The following TSNARE1 variants were observed in gnomAD, a reference collection of about 807,000 sequenced individuals.
The protein encoded by TSNARE1 is t-SNARE domain containing 1, also known as t-SNARE domain-containing protein 1.
A neutral mutation model predicts 62.0 loss-of-function variants in TSNARE1; 49 were observed. That is an observed-to-expected ratio of 0.79 (90% CI 0.63 to 1.00). The LOEUF is 1.00. Ranked by LOEUF, TSNARE1 falls within the 50% of genes least tolerant of loss-of-function variation. The probability of loss-of-function intolerance (pLI) is 0.00; values close to 1 mark genes in which losing one functional copy is unlikely to be tolerated. For missense variants in TSNARE1, 755 were observed against 700.1 expected (o/e 1.08, Z -0.88); for synonymous variants, 328 against 294.4 (o/e 1.11, Z -1.17).
intron 4 of TSNARE1, among the ~76,000 whole-genome samples, chr8:142,338,694 A>G (rs1209745507): frequency 1.3e-5 from 2 of 152,240 alleles, no homozygotes; most frequent in Non-Finnish European, 2.9e-5. Context: ...GATGAGCTGA[A>G]GGATGTGGCC....
At chr8:142,331,931 C>A in intron 4 of TSNARE1, 100 bp from the exon 5 acceptor site, 1 of 1,196,102 alleles carries the variant, frequency 8.4e-7, no homozygotes, top group South Asian at 1.3e-5. Flanking sequence ...GGCAGGGACC[C>A]GACAGGCAGC....
At chr8:142,299,644 C>CACGCACGCATACTTGCAT (rs1825364053) in intron 10 of TSNARE1, among the ~76,000 whole-genome samples, 1 of 152,112 alleles carries the variant, frequency 6.6e-6, no homozygotes, top group Admixed American at 6.5e-5. Context: ...CGCACTCACG[C>CACGCACGCATACTTGCAT]ACGCACGCAT....
chr8:142,387,928 T>C (rs1428371439), intron 1 of TSNARE1, among the ~76,000 whole-genome samples: 3 of 152,140 alleles, frequency 2.0e-5, no homozygotes, highest in African/African-American at 7.2e-5. Flanking sequence ...AATGTTGATA[T>C]CACAACCAAA....
At chr8:142,254,820 C>T (rs975241048) in intron 12 of TSNARE1, among the ~76,000 whole-genome samples, 3 of 152,186 alleles carry the variant, frequency 2.0e-5, no homozygotes, top group East Asian at 1.9e-4. Context: ...GGGCTGAGGA[C>T]GGCCAAGGGG....
chr8:142,259,814 A>C (rs548099278), intron 12 of TSNARE1, among the ~76,000 whole-genome samples: 32 of 152,304 alleles, frequency 2.1e-4, no homozygotes, highest in African/African-American at 7.7e-4. Flanking sequence ...TAAGAATGCA[A>C]CTAAGGGGTT....
intron 12 of TSNARE1, among the ~76,000 whole-genome samples, chr8:142,243,855 C>A (rs534290742): frequency 6.6e-6 from 1 of 152,082 alleles, no homozygotes; most frequent in African/African-American, 2.4e-5. Flanking sequence ...TATTGTATAC[C>A]ATAAATATAT....
intron 13 of TSNARE1, among the ~76,000 whole-genome samples, chr8:142,224,731 G>C (rs1176053684): frequency 3.4e-5 from 1 of 29,318 alleles, no homozygotes; most frequent in Non-Finnish European, 9.3e-5. Context: ...GGGTGCTCTG[G>C]GGGCTGGCCT....
At chr8:142,386,464 C>G (rs1837119053) in intron 1 of TSNARE1, among the ~76,000 whole-genome samples, 1 of 151,896 alleles carries the variant, frequency 6.6e-6, no homozygotes, top group Non-Finnish European at 1.5e-5. Context: ...ACAATACATG[C>G]ACACACAAAG....
chr8:142,296,666 T>C (rs554486276), intron 10 of TSNARE1, among the ~76,000 whole-genome samples: 6 of 151,790 alleles, frequency 4.0e-5, no homozygotes, highest in African/African-American at 1.4e-4. Flanking sequence ...GACAGGGGGC[T>C]AGGGCAGTCG....
chr8:142,323,818 C>A (rs1223237844), intron 6 of TSNARE1, among the ~76,000 whole-genome samples: 1 of 152,226 alleles, frequency 6.6e-6, no homozygotes, highest in East Asian at 1.9e-4. Context: ...GCTTGTGTCT[C>A]ACTTCCCCAT....
chr8:142,261,969 C>T (rs1313788081), intron 12 of TSNARE1, among the ~76,000 whole-genome samples: 6 of 152,236 alleles, frequency 3.9e-5, no homozygotes, highest in Non-Finnish European at 7.3e-5. Flanking sequence ...TTCCATCCCA[C>T]GGCGGGGCCA....
At chr8:142,285,041 C>T (rs1017751978) in intron 10 of TSNARE1, among the ~76,000 whole-genome samples, 2 of 152,108 alleles carry the variant, frequency 1.3e-5, no homozygotes, top group Non-Finnish European at 1.5e-5. Flanking sequence ...GATAGATGGA[C>T]GAACGGGTTC....
chr8:142,328,055 C>T (rs1830506268), intron 6 of TSNARE1, among the ~76,000 whole-genome samples: 1 of 152,038 alleles, frequency 6.6e-6, no homozygotes, highest in African/African-American at 2.4e-5. Context: ...GTCCAAAAGC[C>T]CCAAGGGGAG....
chr8:142,256,217 C>A (rs1228768287), intron 12 of TSNARE1, among the ~76,000 whole-genome samples: 1 of 129,764 alleles, frequency 7.7e-6, no homozygotes, highest in Non-Finnish European at 1.7e-5. Flanking sequence ...GTCACCATCA[C>A]CATCACTATC....
chr8:142,317,763 G>A (rs1828809423), intron 7 of TSNARE1, among the ~76,000 whole-genome samples: 1 of 152,100 alleles, frequency 6.6e-6, no homozygotes, highest in Non-Finnish European at 1.5e-5. Flanking sequence ...TTTGAGACCA[G>A]CCTGAGCAAC....
At chr8:142,361,093 G>A (rs574988856) in intron 1 of TSNARE1, among the ~76,000 whole-genome samples, 25 of 152,338 alleles carry the variant, frequency 1.6e-4, no homozygotes, top group Non-Finnish European at 3.1e-4. Flanking sequence ...CACACAGGTC[G>A]CACCAGCTCT....
chr8:142,395,284 A>G (rs1318528049), intron 1 of TSNARE1, among the ~76,000 whole-genome samples: 1 of 151,978 alleles, frequency 6.6e-6, no homozygotes, highest in Admixed American at 6.5e-5. Context: ...ACTTCCCAAA[A>G]TCTGCAGCCC....
In TSNARE1 at chr8:142,354,676, G is replaced by A; in HGVS notation, c.49C>T (p.Pro17Ser). ...ARGGGLGSRG[P>S]FGGPSRQGCQ... ...CCTTGTCTCGAAGGTCCCCCGAAAG[G>A]GCCACGGCTCCCCAGGCCACCTCCA... The change falls in exon 2 of 14, where the codon CCT becomes TCT. Residue 17 changes from proline (P) to serine (S), a missense_variant. Pro to Ser is a moderately conservative substitution (Grantham distance 74). Transcript: ENST00000524325. 6.2e-7 allele frequency: 1 copy of A among 1,613,528 alleles called. No homozygotes were observed.
chr8:142,217,020 G>A (rs1007570761), intron 13 of TSNARE1, among the ~76,000 whole-genome samples: 4 of 152,060 alleles, frequency 2.6e-5, no homozygotes, highest in Non-Finnish European at 5.9e-5. Context: ...GAGGCAGGCA[G>A]ATCACGAGGT....
Sources: allele counts gnomAD v4.1 joint callset (sites outside exome capture counted in the v4.1 genomes callset), GRCh38; gene constraint gnomAD v4.1.1; transcripts MANE v1.5; gene names NCBI Gene and HGNC (gene_info 2026-07-23, HGNC 2026-07-21).